The following C7 variants were observed in gnomAD, a reference collection of about 807,000 sequenced individuals.
C7 encodes the protein complement C7, also known as complement component C7.
In C7, 83 loss-of-function variants were observed where a neutral mutation model predicts 104.8. That is an observed-to-expected ratio of 0.79 (90% CI 0.66 to 0.95). The LOEUF (loss-of-function observed/expected upper bound fraction) is 0.95, where lower values mean the gene tolerates loss of function less well. C7 is among the 40% of genes least tolerant of loss of function. The pLI is 0.00. For synonymous variants in C7, 415 were observed against 360.6 expected, an observed-to-expected ratio of 1.15 and a Z score of -1.71; for missense variants, 1,070 against 1,011.2, an observed-to-expected ratio of 1.06 and a Z score of -0.79.
At chr5:40,968,600 ATTTTTTTTTTTTT>A (rs70988826) in intron 14 of C7, among the ~76,000 whole-genome samples, 11 of 25,486 alleles carry the variant, frequency 4.3e-4, no homozygotes, top group Admixed American at 6.0e-4. Context: ...ATATATATAT[ATTTTTTTTTTTTT>A]TTTTTTTTTT....
chr5:40,913,659 A>G (rs1292803300), intron 1 of C7, among the ~76,000 whole-genome samples: 1 of 151,458 alleles, frequency 6.6e-6, no homozygotes, highest in Non-Finnish European at 1.5e-5. Context: ...ACCATGTGCA[A>G]ATATATATAT....
intron 9 of C7, 107 bp downstream of exon 9, chr5:40,950,121 C>G (rs1740136989): frequency 4.6e-6 from 3 of 645,852 alleles, no homozygotes; most frequent in Non-Finnish European, 8.1e-6. Flanking sequence ...TGTCATGGGG[C>G]TTTGTTGTAC....
intron 9 of C7, among the ~76,000 whole-genome samples, chr5:40,953,766 A>G (rs1740227928): frequency 1.2e-5 from 1 of 83,920 alleles, no homozygotes. Context: ...TCCCAACACA[A>G]ACAAATGGTA....
chr5:40,936,806 G>C (rs74685741), intron 5 of C7, among the ~76,000 whole-genome samples: 22,758 of 151,956 alleles, frequency 0.15, 1,748 homozygotes, highest in Non-Finnish European at 0.17. Context: ...GGGAGAGAGA[G>C]AGAAAAAATA....
intron 7 of C7, among the ~76,000 whole-genome samples, 199 bp from the exon 8 acceptor site, chr5:40,947,403 A>C (rs1415442637): frequency 6.6e-5 from 10 of 152,032 alleles, no homozygotes; most frequent in Admixed American, 6.6e-4. Context: ...AGATATTATT[A>C]CTATTTGAGA....
intron 1 of C7, among the ~76,000 whole-genome samples, chr5:40,924,756 T>C (rs6868439): frequency 0.51 from 77,213 of 151,732 alleles, 21,677 homozygotes; most frequent in African/African-American, 0.77. Context: ...AGTTTGCACC[T>C]GCTGAAGCAG....
intron 7 of C7, among the ~76,000 whole-genome samples, chr5:40,947,097 ATTTT>A (rs70988819): frequency 3.1e-5 from 4 of 127,190 alleles, no homozygotes; most frequent in Admixed American, 8.2e-5. Flanking sequence ...CATTACTCAG[ATTTT>A]TTTTTTTTTT....
chr5:40,920,143 A>G (rs1739409526), intron 1 of C7, among the ~76,000 whole-genome samples: 1 of 152,148 alleles, frequency 6.6e-6, no homozygotes. Context: ...ATCATCAGGG[A>G]CTATCATCAA....
In C7 at chr5:40,981,458, T is replaced by C. The variant is rs181468220; in HGVS notation, c.2417T>C (p.Val806Ala). The C allele has an allele frequency of 8.7e-6, 14 of 1,613,626 alleles. No individual in the cohort carries two copies. The African/African-American group carries it at 1.7e-4, about 20-fold the overall frequency. The part of the protein sequence containing the change: ...ECEEEGFSIC[V>A]EVNGKEQTMS... ...GAGGAAGAAGGGTTTAGCATTTGTG[T>C]GGAAGTGAACGGCAAGGAGCAGACG... The change falls in exon 18 of 18, where the codon GTG (valine) becomes GCG (alanine). Residue 806 changes from valine (V) to alanine (A), a missense_variant. Transcript: ENST00000313164.
chr5:40,976,228 T>G (rs1221519595), intron 15 of C7, among the ~76,000 whole-genome samples: 1 of 152,216 alleles, frequency 6.6e-6, no homozygotes, highest in Non-Finnish European at 1.5e-5. Flanking sequence ...GTTCTCCATG[T>G]ATAAGGCAAG....
At chr5:40,948,388 AT>A (rs1444153049) in intron 8 of C7, among the ~76,000 whole-genome samples, 1 of 151,888 alleles carries the variant, frequency 6.6e-6, no homozygotes, top group Non-Finnish European at 1.5e-5. Flanking sequence ...ACCCAATGAG[AT>A]GGGCATTATA....
intron 9 of C7, 63 bp downstream of exon 9, chr5:40,950,077 C>A: frequency 4.3e-6 from 4 of 928,586 alleles, no homozygotes; most frequent in South Asian, 1.6e-5. Context: ...CTTTTAAGTT[C>A]AAGGGTACGC....
At chr5:40,954,667 T>TGAGGCCAGGAGTTC (rs1740245835) in intron 9 of C7, among the ~76,000 whole-genome samples, 3 of 151,798 alleles carry the variant, frequency 2.0e-5, no homozygotes. Context: ...GCAGATGACT[T>TGAGGCCAGGAGTTC]GAGGCCAGGA....
At chr5:40,928,699 A>AG in intron 2 of C7, 64 bp downstream of exon 2, 1 of 1,035,922 alleles carries the variant, frequency 9.7e-7, no homozygotes, top group South Asian at 1.5e-5. Context: ...GTAATTCTTT[A>AG]GTCTAATTTT....
At chr5:40,977,877 C>G (rs1046074429) in intron 16 of C7, among the ~76,000 whole-genome samples, 3 of 152,046 alleles carry the variant, frequency 2.0e-5, no homozygotes, top group Non-Finnish European at 2.9e-5. Context: ...CTCACGCCTG[C>G]ACTCCCAGCA....
At chr5:40,925,162 T>C (rs1336158532) in intron 1 of C7, among the ~76,000 whole-genome samples, 1 of 152,188 alleles carries the variant, frequency 6.6e-6, no homozygotes, top group Non-Finnish European at 1.5e-5. Context: ...CTTTAAGTCA[T>C]TTCTTTGCTC....
chr5:40,978,740 G>A (rs1376300258), intron 16 of C7, among the ~76,000 whole-genome samples: 2 of 152,114 alleles, frequency 1.3e-5, no homozygotes, highest in East Asian at 3.9e-4. Context: ...TAAGGTTTCA[G>A]TGACAGTAAT....
intron 14 of C7, among the ~76,000 whole-genome samples, chr5:40,967,091 G>A (rs114445554): frequency 0.013 from 1,809 of 140,476 alleles, 42 homozygotes; most frequent in African/African-American, 0.046. Context: ...TCTTTGAGAT[G>A]GAGTCTTGCT....
At chr5:40,911,916 T>TG (rs1236552223) in intron 1 of C7, among the ~76,000 whole-genome samples, 1 of 150,554 alleles carries the variant, frequency 6.6e-6, no homozygotes, top group African/African-American at 2.4e-5. Context: ...TTTTTGTATT[T>TG]TTTTTTTTTT....
Sources: gnomAD v4.1 joint callset for allele counts (sites outside exome capture counted in the v4.1 genomes callset) on GRCh38, gnomAD v4.1.1 for gene constraint, MANE v1.5 for transcripts, NCBI Gene and HGNC (gene_info 2026-07-23, HGNC 2026-07-21) for gene names.